DNAH9: variants seen among roughly 807,000 people sequenced by gnomAD.
DNAH9 encodes the protein DNAH9 variant protein.
Under a neutral mutation model 471.6 loss-of-function variants are expected in DNAH9, and 345 were observed. That is an observed-to-expected ratio of 0.73 (90% CI 0.67 to 0.80). The LOEUF (loss-of-function observed/expected upper bound fraction) is 0.80, where lower values mean the gene tolerates loss of function less well. DNAH9 is among the 30% of genes least tolerant of loss of function. DNAH9 has a pLI of 0.00. For synonymous variants in DNAH9, 2,093 were observed against 2,123.6 expected (o/e 0.99, Z 0.40); for missense variants, 5,407 against 5,609.2 (o/e 0.96, Z 1.15).
intron 59 of DNAH9, among the ~76,000 whole-genome samples, chr17:11,895,456 GCTTT>G (rs1187382538): frequency 2.0e-5 from 3 of 152,228 alleles, no homozygotes; most frequent in South Asian, 2.1e-4. Flanking sequence ...AATATGATTG[GCTTT>G]CTTTCTCCTT....
chr17:11,707,257 G>C (rs528412336), intron 26 of DNAH9, among the ~76,000 whole-genome samples: 2 of 152,322 alleles, frequency 1.3e-5, no homozygotes, highest in South Asian at 4.1e-4. Flanking sequence ...TGAAGAGATT[G>C]TCAGAAATTG....
chr17:11,655,160 T>C (rs933798625), intron 14 of DNAH9, among the ~76,000 whole-genome samples: 2 of 151,974 alleles, frequency 1.3e-5, no homozygotes, highest in Non-Finnish European at 2.9e-5. Flanking sequence ...TTCCTCCGAG[T>C]CCCCAAAGTC....
At chr17:11,665,118 G>A in intron 15 of DNAH9, 150 bp downstream of exon 15, 4 of 691,260 alleles carry the variant, frequency 5.8e-6, no homozygotes, top group Middle Eastern at 3.1e-4. Flanking sequence ...AACAGAAAAG[G>A]TATCGAACTT....
At position 11,961,999 on chromosome 17, in the gene DNAH9, A is replaced by G; in HGVS notation, c.12976A>G (p.Asn4326Asp). 6.2e-7 allele frequency: 1 copy of G among 1,614,094 alleles called. No individual in the cohort carries two copies. Residue 4326 changes from asparagine (N) to aspartate (D), a missense_variant, in exon 68 of 69, where the codon AAC becomes GAC. Physicochemically the swap from Asn to Asp is conservative, Grantham distance 23. Transcript: ENST00000262442. ...GLAAWFPDLL[N>D]RIKELEAWTG... ...GGCAGCCTGGTTTCCAGACCTCCTC[A>G]ACAGAATCAAGGAGCTAGAGGCTTG...
rs2072772968 is a variant in DNAH9 at position 11,617,579 on chromosome 17, T to A, written c.1073T>A (p.Leu358Gln). 2 of 1,614,050 alleles carry A rather than the reference T, an allele frequency of 1.2e-6. No individual in the cohort carries two copies. The highest frequency in any genetic ancestry group is 1.7e-6 in the Non-Finnish European group (2 of 1,180,052). Residue 358 changes from leucine to glutamine, a missense_variant, in exon 5 of 69, where the codon CTG becomes CAG. Transcript: ENST00000262442. Reference protein sequence around the residue: ...TCKSYRSPGRLTVLLQEICNL... With the variant: ...TCKSYRSPGRQTVLLQEICNL... ...AAGTCCTACCGCTCCCCGGGAAGGC[T>A]GACTGTGCTGCTCCAGGAGATTTGC... is the stretch of plus-strand genomic sequence containing the variant.
intron 26 of DNAH9, among the ~76,000 whole-genome samples, chr17:11,718,591 G>A (rs895472492): frequency 6.6e-6 from 1 of 152,212 alleles, no homozygotes; most frequent in African/African-American, 2.4e-5. Flanking sequence ...CTGGTAAAAA[G>A]AGTCCCAAAA....
At chr17:11,833,235 G>A (rs1970733463) in intron 48 of DNAH9, among the ~76,000 whole-genome samples, 1 of 152,208 alleles carries the variant, frequency 6.6e-6, no homozygotes. Flanking sequence ...AGGCTGGGCT[G>A]GATGGGAAAT....
At chr17:11,727,047 C>CAAAAAAAAAAAAAA (rs55659834) in intron 27 of DNAH9, among the ~76,000 whole-genome samples, 5 of 68,474 alleles carry the variant, frequency 7.3e-5, no homozygotes, top group African/African-American at 2.5e-4. Flanking sequence ...GACTCCGTCT[C>CAAAAAAAAAAAAAA]AAAAAAAAAA....
Position 11,886,923 on chromosome 17 carries a change from C to G in DNAH9, c.11070C>G (p.Asn3690Lys), listed in dbSNP as rs769721428. The change falls in exon 57 of 69, where the codon AAC becomes AAG. Residue 3690 changes from asparagine (N) to lysine (K), a missense_variant. Coordinates refer to ENST00000262442, the MANE Select transcript of DNAH9 (RefSeq NM_001372.4). Reference protein sequence around the residue: ...ARASLLYFIMNDLSKIHPMYQ... With the variant: ...ARASLLYFIMKDLSKIHPMYQ... ...CCTCACTGCTCTACTTCATCATGAA[C>G]GACCTCAGCAAGATCCATCCAATGT... 1 of 1,612,928 alleles carries G rather than the reference C, an allele frequency of 6.2e-7. No individual in the cohort carries two copies. Among genetic ancestry groups the G allele is most frequent in the South Asian group, 1.1e-5 (1 of 90,634 alleles).
chr17:11,649,067 C>T (rs775073663), intron 12 of DNAH9, among the ~76,000 whole-genome samples: 2 of 150,754 alleles, frequency 1.3e-5, no homozygotes, highest in African/African-American at 2.4e-5. Flanking sequence ...GCAGTGGTTG[C>T]AGTGAGCCGA....
chr17:11,703,535 T>A (rs1018103567), intron 24 of DNAH9, among the ~76,000 whole-genome samples: 3 of 152,160 alleles, frequency 2.0e-5, no homozygotes, highest in Non-Finnish European at 4.4e-5. Context: ...CCACCATGAG[T>A]AATCAAAGTT....
Position 11,689,553 on chromosome 17 carries a change from C to G in DNAH9, c.3744-13C>G, listed in dbSNP as rs2074297458. 2 of 1,601,064 alleles carry G rather than the reference C, an allele frequency of 1.2e-6. No homozygotes were observed. The highest frequency in any genetic ancestry group is 4.5e-5 in the East Asian group (2 of 44,802). ...CGTGCCATACTTACAAAGGAACACA[C>G]TGTGTTTTGTAGGTTTGATAGCATC... On this transcript the variant is annotated splice_polypyrimidine_tract_variant and intron_variant, in intron 19 of 68. Coordinates refer to ENST00000262442, the MANE Select transcript of DNAH9 (RefSeq NM_001372.4).
At chr17:11,771,564 A>G (rs575653010) in intron 38 of DNAH9, among the ~76,000 whole-genome samples, 130 of 152,186 alleles carry the variant, frequency 8.5e-4, no homozygotes, top group Non-Finnish European at 1.6e-3. Flanking sequence ...TTAACCTTCC[A>G]TCAAGGCCGA....
chr17:11,739,159 A>C, intron 29 of DNAH9, 122 bp downstream of exon 29: 1 of 1,000,082 alleles, frequency 1.0e-6, no homozygotes, highest in Middle Eastern at 2.1e-4. Context: ...TAGATTTGTA[A>C]CAACCTTCTT....
At chr17:11,865,753 A>G (rs1169198828) in intron 50 of DNAH9, among the ~76,000 whole-genome samples, 2 of 151,906 alleles carry the variant, frequency 1.3e-5, no homozygotes. Flanking sequence ...TTCCGTTCTC[A>G]CTTCATTTCA....
intron 17 of DNAH9, among the ~76,000 whole-genome samples, chr17:11,672,726 C>T (rs114940500): frequency 1.1e-3 from 165 of 152,230 alleles, no homozygotes; most frequent in African/African-American, 3.8e-3. Context: ...CGTTGACCTC[C>T]TCCCTCCAAC....
At chr17:11,801,252 C>A (rs2150917895) in intron 43 of DNAH9, among the ~76,000 whole-genome samples, 2 of 152,312 alleles carry the variant, frequency 1.3e-5, no homozygotes, top group Middle Eastern at 6.8e-3. Context: ...ATACCATCAT[C>A]CTATGAAGCT....
chr17:11,728,746 A>G (rs1159147508), intron 28 of DNAH9, among the ~76,000 whole-genome samples: 6 of 152,122 alleles, frequency 3.9e-5, no homozygotes, highest in African/African-American at 1.4e-4. Flanking sequence ...GAAATTCTGT[A>G]CCAGGCACTT....
At chr17:11,948,493 G>A (rs576687478) in intron 67 of DNAH9, among the ~76,000 whole-genome samples, 6 of 152,218 alleles carry the variant, frequency 3.9e-5, no homozygotes, top group African/African-American at 1.2e-4. Flanking sequence ...GCCTCCCAAC[G>A]TGCTGGGATT....
Sources: gnomAD v4.1 joint callset for allele counts (sites outside exome capture counted in the v4.1 genomes callset) on GRCh38, gnomAD v4.1.1 for gene constraint, MANE v1.5 for transcripts, NCBI Gene and HGNC (gene_info 2026-07-23, HGNC 2026-07-21) for gene names.